The following MGLL variants were observed in gnomAD, a reference collection of about 807,000 sequenced individuals.
The protein encoded by MGLL is lysophospholipase homolog.
Under a neutral mutation model 29.1 loss-of-function variants are expected in MGLL, and 7 were observed. That is an observed-to-expected ratio of 0.24 (90% CI 0.14 to 0.45). The LOEUF (loss-of-function observed/expected upper bound fraction) is 0.45, where lower values mean the gene tolerates loss of function less well. Among genes scored for constraint, MGLL ranks in the 20% least tolerant of loss-of-function variants. MGLL has a pLI of 0.99. For synonymous variants in MGLL, 148 were observed against 168.3 expected (o/e 0.88, Z 0.93); for missense variants, 356 against 413.6 (o/e 0.86, Z 1.21).
intron 2 of MGLL, among the ~76,000 whole-genome samples, chr3:127,811,977 T>C (rs139950817): frequency 1.6e-4 from 24 of 152,336 alleles, no homozygotes; most frequent in African/African-American, 5.8e-4. Flanking sequence ...GTAACAGCAA[T>C]AGATTCCTAA....
intron 3 of MGLL, among the ~76,000 whole-genome samples, chr3:127,755,031 C>T (rs188522158): frequency 1.3e-5 from 2 of 152,168 alleles, no homozygotes; most frequent in African/African-American, 4.8e-5. Context: ...GTTTTCTCGG[C>T]ATTTTTTGGT....
intron 3 of MGLL, chr3:127,736,257 T>C: frequency 1.0e-6 from 1 of 987,608 alleles, no homozygotes. Flanking sequence ...AAAATGGACG[T>C]TCATTACTCT....
chr3:127,770,821 G>A (rs1376175763), intron 3 of MGLL, among the ~76,000 whole-genome samples: 2 of 152,036 alleles, frequency 1.3e-5, no homozygotes, highest in Non-Finnish European at 2.9e-5. Flanking sequence ...TGGGTGTCCA[G>A]GGTCACAAGG....
chr3:127,753,871 C>T (rs2076605407), intron 3 of MGLL, among the ~76,000 whole-genome samples: 3 of 152,166 alleles, frequency 2.0e-5, no homozygotes, highest in South Asian at 2.1e-4. Flanking sequence ...CCTACAGGAC[C>T]CCAACACTCT....
intron 6 of MGLL, among the ~76,000 whole-genome samples, chr3:127,702,917 A>G (rs2075523996): frequency 6.6e-6 from 1 of 151,972 alleles, no homozygotes; most frequent in Non-Finnish European, 1.5e-5. Flanking sequence ...CTGGTCTCGA[A>G]CTCCTGACCT....
intron 3 of MGLL, among the ~76,000 whole-genome samples, chr3:127,758,653 C>T (rs971627314): frequency 1.3e-5 from 2 of 152,126 alleles, no homozygotes; most frequent in Non-Finnish European, 2.9e-5. Context: ...CTGTACCGAG[C>T]GAGGAGAATG....
chr3:127,721,242 T>C, intron 4 of MGLL, 79 bp from the exon 5 acceptor site: 2 of 1,242,488 alleles, frequency 1.6e-6, no homozygotes, highest in Non-Finnish European at 2.3e-6. Context: ...ACCAATGCAG[T>C]CCTCTTAAGC....
At chr3:127,727,694 A>G (rs1172475414) in intron 3 of MGLL, among the ~76,000 whole-genome samples, 1 of 145,648 alleles carries the variant, frequency 6.9e-6, no homozygotes, top group Non-Finnish European at 1.5e-5. Flanking sequence ...CCTGGGCAAC[A>G]GAGCAAGGCT....
At chr3:127,804,089 T>C (rs180907882) in intron 2 of MGLL, among the ~76,000 whole-genome samples, 1 of 152,298 alleles carries the variant, frequency 6.6e-6, no homozygotes, top group African/African-American at 2.4e-5. Context: ...AAAAAAACTA[T>C]GAAGAAATAA....
chr3:127,750,057 C>G (rs1407526498), intron 3 of MGLL, among the ~76,000 whole-genome samples: 1 of 152,044 alleles, frequency 6.6e-6, no homozygotes, highest in Non-Finnish European at 1.5e-5. Flanking sequence ...GACTTTTACC[C>G]CGAGGGAGGT....
chr3:127,788,878 A>C (rs1212703339), intron 2 of MGLL, among the ~76,000 whole-genome samples: 1 of 152,238 alleles, frequency 6.6e-6, no homozygotes, highest in Non-Finnish European at 1.5e-5. Context: ...TGAATGAATG[A>C]ATGAATGAAA....
At chr3:127,812,295 C>G (rs928286749) in intron 2 of MGLL, among the ~76,000 whole-genome samples, 3 of 152,140 alleles carry the variant, frequency 2.0e-5, no homozygotes, top group African/African-American at 7.2e-5. Flanking sequence ...GTTGAGCTAC[C>G]CTTATTATGT....
At chr3:127,817,370 TATC>T (rs527752586) in intron 2 of MGLL, among the ~76,000 whole-genome samples, 136 of 152,304 alleles carry the variant, frequency 8.9e-4, no homozygotes, top group Admixed American at 1.5e-3. Flanking sequence ...CACCAGTTTT[TATC>T]ATCATAACAG....
chr3:127,740,092 C>T (rs903473756), intron 3 of MGLL, among the ~76,000 whole-genome samples: 1 of 152,232 alleles, frequency 6.6e-6, no homozygotes, highest in Non-Finnish European at 1.5e-5. Flanking sequence ...CAGCGTGGCC[C>T]AGTCTTCCAA....
intron 2 of MGLL, among the ~76,000 whole-genome samples, chr3:127,814,468 C>A (rs1576322597): frequency 6.6e-6 from 1 of 152,190 alleles, no homozygotes; most frequent in East Asian, 1.9e-4. Flanking sequence ...CAGTAAAGAC[C>A]ATTTCCTCCG....
chr3:127,729,402 A>G lies in MGLL; in HGVS notation c.263-6836T>C, dbSNP rs150382607. 1.4e-4 allele frequency among the ~76,000 whole-genome samples: 21 copies of G among 152,328 alleles called. No homozygotes were observed. The East Asian group carries it at 3.9e-3, about 28-fold the overall frequency. The stretch of plus-strand genomic sequence containing the variant: ...CATCTCTAGATAGTTTCATTTTTTT[A>G]CATTCGAATCTTTGACCCATTTGAA... On this transcript the variant is annotated intron_variant, in intron 3 of 7. Transcript: ENST00000265052.
In MGLL at chr3:127,759,330, C is replaced by T. The variant is rs140091962; in HGVS notation, c.262+22459G>A. On this transcript the variant is annotated intron_variant, in intron 3 of 7. Coordinates refer to ENST00000265052, the MANE Select transcript of MGLL (RefSeq NM_007283.7). ...AGGCGGCTCTCAACCCTTCTCTCTG[C>T]TATGCGTGACCCTGGCTAACATCTC... Among the ~76,000 whole-genome samples, 79 of 152,288 alleles carry T rather than the reference C, an allele frequency of 5.2e-4. 2 individuals are homozygous for T. In the East Asian group the frequency reaches 0.015, roughly 29 times the overall value.
At position 127,695,837 on chromosome 3, in the gene MGLL, A is replaced by G. The variant is rs555972416; in HGVS notation, c.601-647T>C. ...TATTGTTCACATCAATTATTTTATT[A>G]AAAAGTAGCTCTGCAGCAGTTTTAG... is the stretch of plus-strand genomic sequence containing the variant. On this transcript the variant is annotated intron_variant, in intron 6 of 7. Transcript: ENST00000265052. Among the ~76,000 whole-genome samples, 4 of 152,352 alleles carry G rather than the reference A, an allele frequency of 2.6e-5. No individual in the cohort carries two copies. In the East Asian group the frequency reaches 7.7e-4, roughly 29 times the overall value.
chr3:127,811,454 G>A (rs1397170878), intron 2 of MGLL, among the ~76,000 whole-genome samples: 2 of 152,202 alleles, frequency 1.3e-5, no homozygotes, highest in Admixed American at 6.5e-5. Context: ...GTTACTCAGA[G>A]GCAGAGGTAG....
Sources: gnomAD v4.1 joint callset for allele counts (sites outside exome capture counted in the v4.1 genomes callset) on GRCh38, gnomAD v4.1.1 for gene constraint, MANE v1.5 for transcripts, NCBI Gene and HGNC (gene_info 2026-07-23, HGNC 2026-07-21) for gene names.